Variants in DLG2 observed in about 807,000 individuals in gnomAD.
The protein encoded by DLG2 is disks large homolog 2.
Under a neutral mutation model 132.5 loss-of-function variants are expected in DLG2, and 45 were observed. The ratio of observed to expected loss-of-function variants is 0.34; its 90% CI spans 0.27 to 0.44. The LOEUF (loss-of-function observed/expected upper bound fraction) is 0.44. DLG2 is among the 20% of genes least tolerant of loss of function. The pLI is 1.00. For synonymous variants in DLG2, 424 were observed against 419.6 expected, an observed-to-expected ratio of 1.01 and a Z score of -0.13; for missense variants, 1,045 against 1,196.9, an observed-to-expected ratio of 0.87 and a Z score of 1.87.
intron 4 of DLG2, among the ~76,000 whole-genome samples, chr11:85,208,045 G>A (rs1003526077): frequency 3.3e-5 from 5 of 151,878 alleles, no homozygotes; most frequent in African/African-American, 1.2e-4. Flanking sequence ...ACCAGCAATG[G>A]GGTACTTACT....
chr11:84,767,248 TTA>T (rs2068560243), intron 6 of DLG2, among the ~76,000 whole-genome samples: 1 of 142,946 alleles, frequency 7.0e-6, no homozygotes. Flanking sequence ...AATACTGGTA[TTA>T]TGGTGGTCAT....
chr11:85,496,607 A>T (rs559596555), intron 3 of DLG2, among the ~76,000 whole-genome samples: 5 of 152,172 alleles, frequency 3.3e-5, no homozygotes, highest in African/African-American at 7.2e-5. Flanking sequence ...TAACAGACAG[A>T]CTGCTTCCTC....
intron 6 of DLG2, among the ~76,000 whole-genome samples, chr11:84,928,661 A>C (rs2047689083): frequency 6.6e-6 from 1 of 151,854 alleles, no homozygotes; most frequent in African/African-American, 2.4e-5. Flanking sequence ...GGATTCTCAG[A>C]AAGTCTGGCA....
chr11:84,883,536 T>G (rs1188653709), intron 6 of DLG2, among the ~76,000 whole-genome samples: 2 of 151,824 alleles, frequency 1.3e-5, no homozygotes, highest in East Asian at 3.9e-4. Flanking sequence ...AAAAGAAAAT[T>G]AAAAAAATAT....
chr11:83,749,415 A>C (rs981491273), intron 18 of DLG2, among the ~76,000 whole-genome samples: 27 of 152,198 alleles, frequency 1.8e-4, no homozygotes, highest in Admixed American at 1.6e-3. Flanking sequence ...GAAACAGTCT[A>C]GAAACAGCAA....
intron 7 of DLG2, among the ~76,000 whole-genome samples, chr11:84,286,086 C>T (rs891756906): frequency 5.3e-5 from 8 of 152,266 alleles, no homozygotes; most frequent in Non-Finnish European, 1.0e-4. Flanking sequence ...CTCTCAATTC[C>T]TCTTACCAGC....
At chr11:83,514,706 C>G (rs1222697799) in intron 21 of DLG2, among the ~76,000 whole-genome samples, 1 of 152,114 alleles carries the variant, frequency 6.6e-6, no homozygotes, top group Non-Finnish European at 1.5e-5. Context: ...TACGGCCCAT[C>G]AATACCTAAT....
At chr11:83,486,444 C>A (rs780386791) in intron 21 of DLG2, among the ~76,000 whole-genome samples, 1 of 151,860 alleles carries the variant, frequency 6.6e-6, no homozygotes, top group Admixed American at 6.6e-5. Flanking sequence ...AGGGACAATG[C>A]AGAAGGCTTT....
chr11:85,467,203 T>C (rs992655167), intron 3 of DLG2, among the ~76,000 whole-genome samples: 30 of 152,184 alleles, frequency 2.0e-4, no homozygotes, highest in Non-Finnish European at 2.9e-5. Flanking sequence ...CTTAAGGAGA[T>C]TTTGGGCTGA....
chr11:84,240,593 C>T (rs766129821), intron 8 of DLG2, among the ~76,000 whole-genome samples: 3 of 152,022 alleles, frequency 2.0e-5, no homozygotes, highest in Non-Finnish European at 4.4e-5. Flanking sequence ...ATTAATATGA[C>T]CTGGAGGGAT....
intron 6 of DLG2, among the ~76,000 whole-genome samples, chr11:84,789,334 A>T (rs528628547): frequency 2.7e-4 from 41 of 152,214 alleles, no homozygotes; most frequent in Non-Finnish European, 5.4e-4. Context: ...AGACTCACTT[A>T]CTGTTTATCA....
chr11:83,749,649 T>C (rs556003731), intron 18 of DLG2, among the ~76,000 whole-genome samples: 2 of 152,150 alleles, frequency 1.3e-5, no homozygotes, highest in East Asian at 1.9e-4. Context: ...CAGAGAGAAA[T>C]GCATCTCTAA....
chr11:83,472,867 G>A (rs2092233554), intron 22 of DLG2, 90 bp from the exon 23 acceptor site: 3 of 1,082,158 alleles, frequency 2.8e-6, no homozygotes, highest in Non-Finnish European at 4.2e-6. Flanking sequence ...AACAGACACA[G>A]CTCAGAGTTA....
At chr11:85,180,804 T>A (rs115265971) in intron 4 of DLG2, among the ~76,000 whole-genome samples, 6 of 151,798 alleles carry the variant, frequency 4.0e-5, no homozygotes, top group Non-Finnish European at 8.8e-5. Flanking sequence ...CAAGTTTACA[T>A]AGACTTTCAT....
intron 6 of DLG2, among the ~76,000 whole-genome samples, chr11:85,016,821 T>C (rs2059614361): frequency 6.6e-6 from 1 of 152,076 alleles, no homozygotes; most frequent in Admixed American, 6.6e-5. Context: ...ATTAGGTGTG[T>C]TCTCCCTGCA....
At chr11:85,016,948 C>T (rs2059623660) in intron 6 of DLG2, among the ~76,000 whole-genome samples, 1 of 152,138 alleles carries the variant, frequency 6.6e-6, no homozygotes, top group Non-Finnish European at 1.5e-5. Context: ...GTTGGCAAAC[C>T]TGTTGGTCAA....
chr11:83,999,392 G>C (rs115884430), intron 11 of DLG2, among the ~76,000 whole-genome samples: 1 of 152,096 alleles, frequency 6.6e-6, no homozygotes, highest in Admixed American at 6.6e-5. Context: ...CACAGCCACT[G>C]CCAATGCCAG....
At chr11:84,439,668 C>A (rs1366720348) in intron 7 of DLG2, among the ~76,000 whole-genome samples, 2 of 152,190 alleles carry the variant, frequency 1.3e-5, no homozygotes, top group African/African-American at 4.8e-5. Flanking sequence ...CAAAGAGCTA[C>A]TCAGCAGGAC....
intron 3 of DLG2, among the ~76,000 whole-genome samples, chr11:85,296,888 T>C (rs2079258992): frequency 6.7e-6 from 1 of 149,970 alleles, no homozygotes; most frequent in South Asian, 2.1e-4. Context: ...AATTTTATTA[T>C]ATATAATTAT....
Sources: allele counts gnomAD v4.1 joint callset (sites outside exome capture counted in the v4.1 genomes callset), GRCh38; gene constraint gnomAD v4.1.1; transcripts MANE v1.5; gene names NCBI Gene and HGNC (gene_info 2026-07-23, HGNC 2026-07-21).